The following CEMIP variants were observed in gnomAD, a reference collection of about 807,000 sequenced individuals.
CEMIP encodes the protein cell migration-inducing and hyaluronan-binding protein.
In CEMIP, 105 loss-of-function variants were observed where a neutral mutation model predicts 156.9. The ratio of observed to expected loss-of-function variants is 0.67; its 90% CI spans 0.57 to 0.79. The LOEUF is 0.79. CEMIP is among the 30% of genes least tolerant of loss of function. CEMIP has a pLI of 0.00. For synonymous variants in CEMIP, 676 were observed against 668.4 expected (o/e 1.01, Z -0.17); for missense variants, 1,457 against 1,769.4 (o/e 0.82, Z 3.17).
At chr15:80,936,279 A>T (rs1001787751) in intron 23 of CEMIP, among the ~76,000 whole-genome samples, 3 of 152,252 alleles carry the variant, frequency 2.0e-5, no homozygotes, top group Non-Finnish European at 4.4e-5. Context: ...TGCCAGTTAT[A>T]GGCGAGTTGC....
At chr15:80,908,955 G>A in intron 13 of CEMIP, 142 bp from the exon 14 acceptor site, 3 of 822,154 alleles carry the variant, frequency 3.6e-6, no homozygotes, top group Non-Finnish European at 6.1e-6. Context: ...TAACCCATTT[G>A]CAGAGAATAT....
intron 1 of CEMIP, among the ~76,000 whole-genome samples, chr15:80,824,233 A>C (rs11633750): frequency 0.17 from 25,480 of 152,114 alleles, 2,748 homozygotes; most frequent in East Asian, 0.41. Context: ...TGTTTGCTTT[A>C]TATTTCATGG....
chr15:80,943,062 C>T lies in CEMIP; in HGVS notation c.3817C>T (p.Pro1273Ser), dbSNP rs887351615. ...CAGGAACTCCATTCTGCAAGGCATACCATGGCAGCTTTTCAACTATGTGGC... is the reference window on the plus strand; with the variant it reads ...CAGGAACTCCATTCTGCAAGGCATATCATGGCAGCTTTTCAACTATGTGGC... Reference protein sequence around the residue: ...SFRNSILQGIPWQLFNYVATI... With the variant: ...SFRNSILQGISWQLFNYVATI... Residue 1273 changes from proline to serine, a missense_variant, in exon 28 of 30, where the codon CCA becomes TCA. Transcript: ENST00000394685. The T allele has an allele frequency of 6.2e-7, 1 of 1,614,238 alleles. No homozygotes were observed. The highest frequency in any genetic ancestry group is 8.5e-7 in the Non-Finnish European group (1 of 1,180,050).
intron 7 of CEMIP, 125 bp downstream of exon 7, chr15:80,884,479 C>T: frequency 1.1e-6 from 1 of 950,964 alleles, no homozygotes; most frequent in Non-Finnish European, 1.7e-6. Context: ...CTAGTGGATG[C>T]AGGCATTTGC....
chr15:80,801,059 T>C (rs928355736), intron 1 of CEMIP, among the ~76,000 whole-genome samples: 8 of 152,254 alleles, frequency 5.3e-5, no homozygotes, highest in African/African-American at 1.7e-4. Flanking sequence ...CTGTAAATGC[T>C]GCTTTCTCTG....
At chr15:80,868,968 G>A (rs1898201617) in intron 1 of CEMIP, among the ~76,000 whole-genome samples, 1 of 152,218 alleles carries the variant, frequency 6.6e-6, no homozygotes, top group South Asian at 2.1e-4. Flanking sequence ...AAGTAGCACG[G>A]ACTGGGTGAA....
intron 1 of CEMIP, among the ~76,000 whole-genome samples, chr15:80,857,894 C>T (rs977444794): frequency 6.6e-6 from 1 of 152,184 alleles, no homozygotes; most frequent in Non-Finnish European, 1.5e-5. Context: ...AAGAACAGGA[C>T]TTTAGACTGG....
intron 1 of CEMIP, among the ~76,000 whole-genome samples, chr15:80,844,131 C>A (rs374302181): frequency 6.6e-6 from 1 of 152,230 alleles, no homozygotes; most frequent in South Asian, 2.1e-4. Context: ...ATCGCTCAGG[C>A]GGGTCCACAC....
chr15:80,797,742 G>A (rs1872234), intron 1 of CEMIP, among the ~76,000 whole-genome samples: 121,646 of 152,176 alleles, frequency 0.8, 52,129 homozygotes, highest in East Asian at 1. Context: ...TAACAGCCCA[G>A]GGTCCTCCAC....
In CEMIP at chr15:80,895,991, A is replaced by T; in HGVS notation, c.1342A>T (p.Met448Leu). The change falls in exon 12 of 30, where the codon ATG (methionine) becomes TTG (leucine). Residue 448 changes from methionine (M) to leucine (L), a missense_variant. Around this residue, in one of 5 missense-constraint regions of CEMIP, gnomAD observed 280 missense variants for 300.3 expected, o/e 0.93. Coordinates refer to ENST00000394685, the MANE Select transcript of CEMIP (RefSeq NM_001293298.2). The part of the protein sequence containing the change: ...TLVIASTDYS[M>L]YQAEEFQVLP... ...GGTCATTGCCAGTACTGATTACTCC[A>T]TGTACCAGGCAGAAGAGTTCCAGGT... 1 of 1,614,206 alleles carries T rather than the reference A, an allele frequency of 6.2e-7. No homozygotes were observed. Among genetic ancestry groups the T allele is most frequent in the African/African-American group, 1.3e-5 (1 of 75,046 alleles).
chr15:80,909,522 G>C, intron 14 of CEMIP: 1 of 643,332 alleles, frequency 1.6e-6, no homozygotes, highest in Non-Finnish European at 2.9e-6. Flanking sequence ...GCAGAGATGG[G>C]AGAGTGATTA....
intron 21 of CEMIP, 144 bp downstream of exon 21, chr15:80,929,318 T>A: frequency 9.2e-7 from 1 of 1,089,790 alleles, no homozygotes; most frequent in Non-Finnish European, 1.4e-6. Context: ...TGACTGAGAC[T>A]AACAATTAAG....
chr15:80,848,398 G>T (rs1209001526), intron 1 of CEMIP, among the ~76,000 whole-genome samples: 1 of 152,190 alleles, frequency 6.6e-6, no homozygotes, highest in Non-Finnish European at 1.5e-5. Flanking sequence ...GTTGGCCTCA[G>T]ACAATCTACT....
At chr15:80,903,589 A>G (rs539508430) in intron 12 of CEMIP, among the ~76,000 whole-genome samples, 4 of 152,116 alleles carry the variant, frequency 2.6e-5, no homozygotes, top group Non-Finnish European at 4.4e-5. Flanking sequence ...CACTGTGTCA[A>G]CCCCTTAGAC....
At chr15:80,886,217 G>A (rs915568504) in intron 7 of CEMIP, among the ~76,000 whole-genome samples, 6 of 151,836 alleles carry the variant, frequency 4.0e-5, no homozygotes, top group African/African-American at 4.9e-5. Context: ...CAGCAGCTTC[G>A]GAGGCCCAGG....
intron 1 of CEMIP, among the ~76,000 whole-genome samples, chr15:80,838,329 T>G (rs1897311727): frequency 6.6e-6 from 1 of 152,040 alleles, no homozygotes. Context: ...GATGCCTTTC[T>G]CCTTGGCGCT....
At chr15:80,891,247 T>G (rs1352466430) in intron 10 of CEMIP, among the ~76,000 whole-genome samples, 1 of 152,184 alleles carries the variant, frequency 6.6e-6, no homozygotes, top group Non-Finnish European at 1.5e-5. Context: ...GAAGACCACC[T>G]CTCAGTGCCA....
chr15:80,788,325 G>A (rs1421336734), intron 1 of CEMIP, among the ~76,000 whole-genome samples: 1 of 151,884 alleles, frequency 6.6e-6, no homozygotes, highest in Admixed American at 6.6e-5. Flanking sequence ...ACAAAAATTA[G>A]CCAGGCATGG....
chr15:80,899,042 G>A (rs1269412579), intron 12 of CEMIP, among the ~76,000 whole-genome samples: 1 of 152,080 alleles, frequency 6.6e-6, no homozygotes, highest in African/African-American at 2.4e-5. Context: ...ATGAAACCCC[G>A]TCTCTACTAA....
Sources: gnomAD v4.1 joint callset for allele counts (sites outside exome capture counted in the v4.1 genomes callset) on GRCh38, gnomAD v4.1.1 for gene constraint, gnomAD v4.1.1 regional missense constraint, MANE v1.5 for transcripts, NCBI Gene and HGNC (gene_info 2026-07-23, HGNC 2026-07-21) for gene names.